The following VPS13A variants were observed in gnomAD, a reference collection of about 807,000 sequenced individuals.
VPS13A encodes the protein vacuolar protein sorting 13 homolog A.
In VPS13A, 264 loss-of-function variants were observed where a neutral mutation model predicts 390.9. The observed-to-expected ratio is 0.68, with a 90% confidence interval of 0.61 to 0.75. VPS13A has a LOEUF of 0.75. VPS13A is among the 30% of genes least tolerant of loss of function. VPS13A has a pLI of 0.00. For synonymous variants in VPS13A, 1,231 were observed against 1,227.1 expected, an observed-to-expected ratio of 1.00 and a Z score of -0.07; for missense variants, 3,409 against 3,733.9, an observed-to-expected ratio of 0.91 and a Z score of 2.27.
In VPS13A at chr9:77,421,484, T is replaced by A. The variant is rs1019460181; in HGVS notation, c.*5478T>A. The stretch of plus-strand genomic sequence containing the variant: ...GGTAGATTTGGATTGCATGGTAAGA[T>A]GACTGCCCATTTTCACCATGTATAC... On this transcript the variant is annotated 3_prime_UTR_variant, in exon 72 of 72. Transcript: ENST00000360280. 1.3e-5 allele frequency: 2 copies of A among 152,252 alleles called. No homozygotes were observed. Among genetic ancestry groups the A allele is most frequent in the African/African-American group, 2.4e-5 (1 of 41,476 alleles). The allele number at this position is 152,252 out of a possible 1,614,324, so 9.4% of individuals were successfully genotyped here. A position where few individuals can be genotyped will look rare whatever the true frequency, so the allele number is the denominator to read the frequency against.
intron 24 of VPS13A, among the ~76,000 whole-genome samples, chr9:77,274,595 A>G (rs772300811): frequency 8.5e-5 from 13 of 152,056 alleles, no homozygotes; most frequent in Non-Finnish European, 1.9e-4. Flanking sequence ...TTAAAAATAT[A>G]ATTATTAAAG....
chr9:77,414,792 T>A (rs1835104826), intron 71 of VPS13A, among the ~76,000 whole-genome samples: 1 of 150,544 alleles, frequency 6.6e-6, no homozygotes, highest in African/African-American at 2.5e-5. Flanking sequence ...AGAGGACATT[T>A]CTCCTATACT....
At chr9:77,227,641 C>T (rs973555736) in intron 16 of VPS13A, among the ~76,000 whole-genome samples, 156 bp downstream of exon 16, 6 of 151,804 alleles carry the variant, frequency 4.0e-5, no homozygotes, top group Non-Finnish European at 8.8e-5. Flanking sequence ...CTCAGCCTCT[C>T]GAATAGCTGG....
chr9:77,404,408 T>G (rs1359916675), intron 69 of VPS13A, among the ~76,000 whole-genome samples: 1 of 152,210 alleles, frequency 6.6e-6, no homozygotes, highest in South Asian at 2.1e-4. Context: ...AATTCCTGCC[T>G]AATATTTATT....
rs1270508933 is a variant in VPS13A at position 77,177,539 on chromosome 9, C to A, written c.-166C>A. 5 of 648,360 alleles carry A rather than the reference C, an allele frequency of 7.7e-6. No individual in the cohort carries two copies. Among genetic ancestry groups the A allele is most frequent in the South Asian group, 3.4e-5 (2 of 59,292 alleles). The allele number at this position is 648,360 out of a possible 1,614,324, so 40.2% of individuals were successfully genotyped here. On this transcript the variant is annotated 5_prime_UTR_variant, in exon 1 of 72. Coordinates refer to ENST00000360280, the MANE Select transcript of VPS13A (RefSeq NM_033305.3). ...CACGCGTCGTGAGAGCGACCGCCTC[C>A]GTCTCTCGCTGGGCTCGCTAGGGCT... is the stretch of plus-strand genomic sequence containing the variant.
chr9:77,296,203 T>TA (rs1264275892), intron 33 of VPS13A, among the ~76,000 whole-genome samples: 5 of 152,224 alleles, frequency 3.3e-5, no homozygotes, highest in African/African-American at 1.2e-4. Context: ...ATTATCATCT[T>TA]ATCTTCTCTG....
intron 3 of VPS13A, among the ~76,000 whole-genome samples, chr9:77,202,704 T>C (rs1000132268): frequency 6.6e-5 from 10 of 152,170 alleles, no homozygotes; most frequent in African/African-American, 2.4e-4. Flanking sequence ...GGAGAGTAGA[T>C]AGACTATTTT....
chr9:77,308,714 T>C (rs1184699744), intron 35 of VPS13A, among the ~76,000 whole-genome samples: 1 of 152,166 alleles, frequency 6.6e-6, no homozygotes, highest in Non-Finnish European at 1.5e-5. Flanking sequence ...GGTCAGTTAG[T>C]GCTGGGATGA....
At chr9:77,321,861 T>G in intron 44 of VPS13A, 115 bp downstream of exon 44, 1 of 1,273,010 alleles carries the variant, frequency 7.9e-7, no homozygotes, top group Non-Finnish European at 1.1e-6. Flanking sequence ...TGTTTTTGTT[T>G]TTTTAAAATA....
chr9:77,386,344 T>C (rs922118479), intron 68 of VPS13A, among the ~76,000 whole-genome samples: 30 of 152,300 alleles, frequency 2.0e-4, no homozygotes, highest in African/African-American at 6.7e-4. Context: ...CATTCCAACT[T>C]TGCTAGTCAC....
intron 32 of VPS13A, among the ~76,000 whole-genome samples, chr9:77,294,577 C>A (rs1055091852): frequency 1.3e-5 from 2 of 152,084 alleles, no homozygotes; most frequent in Non-Finnish European, 2.9e-5. Context: ...AATGTGGAGC[C>A]CTCTTTTGTT....
intron 53 of VPS13A, among the ~76,000 whole-genome samples, chr9:77,352,648 A>G (rs902250488): frequency 2.0e-5 from 3 of 152,166 alleles, no homozygotes; most frequent in Non-Finnish European, 2.9e-5. Context: ...GACTTCAGTG[A>G]AATAAGTTAG....
At chr9:77,360,725 T>A in intron 59 of VPS13A, 84 bp downstream of exon 59, 1 of 1,038,564 alleles carries the variant, frequency 9.6e-7, no homozygotes. Context: ...AAAATGACTT[T>A]GTTGCATTTT....
At chr9:77,351,986 A>G (rs1831500694) in intron 53 of VPS13A, among the ~76,000 whole-genome samples, 1 of 152,266 alleles carries the variant, frequency 6.6e-6, no homozygotes, top group Non-Finnish European at 1.5e-5. Context: ...TCAAGTATTT[A>G]CTTAACCAAA....
intron 46 of VPS13A, among the ~76,000 whole-genome samples, chr9:77,336,577 C>CCATG (rs1587610390): frequency 6.6e-6 from 1 of 151,494 alleles, no homozygotes; most frequent in Admixed American, 6.6e-5. Flanking sequence ...CCTTTTAGGC[C>CCATG]CATGTATCCA....
chr9:77,299,947 G>A (rs1462585623), intron 33 of VPS13A, among the ~76,000 whole-genome samples: 1 of 152,084 alleles, frequency 6.6e-6, no homozygotes, highest in Non-Finnish European at 1.5e-5. Flanking sequence ...CAAGGGGAAG[G>A]ATAGCATTAG....
At position 77,230,236 on chromosome 9, in the gene VPS13A, T is replaced by C. The variant is rs780522691; in HGVS notation, c.1595+1972T>C. ...TGTGTTTTCTTTTTATTTTTCTTAA[T>C]GGTGAAGTCAAATTTATATTTTTTT... On this transcript the variant is annotated intron_variant, in intron 17 of 71. Transcript: ENST00000360280. Among the ~76,000 whole-genome samples, 149 of 152,274 alleles carry C rather than the reference T, an allele frequency of 9.8e-4. 2 individuals are homozygous for C. The highest frequency in any genetic ancestry group is 7.5e-4 in the Non-Finnish European group (51 of 68,004).
chr9:77,229,215 A>G (rs2063083532), intron 17 of VPS13A, among the ~76,000 whole-genome samples: 1 of 151,974 alleles, frequency 6.6e-6, no homozygotes, highest in African/African-American at 2.4e-5. Flanking sequence ...AGTAGCCGTG[A>G]CTACAGGCGC....
Position 77,354,798 on chromosome 9 carries a change from T to C in VPS13A, c.7652+1157T>C, listed in dbSNP as rs1158642700. ...TCAAAAGCAAACTTCCAGAGACCCA[T>C]CTCACCCCCCAATATCACAGCTTGC... On this transcript the variant is annotated intron_variant, in intron 54 of 71. Transcript: ENST00000360280. Among the ~76,000 whole-genome samples the C allele has an allele frequency of 2.0e-5, 3 of 152,070 alleles. No individual in the cohort carries two copies. The East Asian group carries it at 5.8e-4, about 29-fold the overall frequency.
Sources: allele counts gnomAD v4.1 joint callset (sites outside exome capture counted in the v4.1 genomes callset), GRCh38; gene constraint gnomAD v4.1.1; transcripts MANE v1.5; gene names NCBI Gene and HGNC (gene_info 2026-07-23, HGNC 2026-07-21).